The following LUC7L2 variants were observed in gnomAD, a reference collection of about 807,000 sequenced individuals.
LUC7L2 encodes LUC7 like 2, pre-mRNA splicing factor.
A neutral mutation model predicts 52.8 loss-of-function variants in LUC7L2; 25 were observed. That is an observed-to-expected ratio of 0.47 (90% CI 0.34 to 0.66). LUC7L2 has a LOEUF of 0.66. Ranked by LOEUF, LUC7L2 falls within the 30% of genes least tolerant of loss-of-function variation. The pLI is 0.01. For missense variants in LUC7L2, 328 were observed against 497.8 expected (o/e 0.66, Z 3.25); for synonymous variants, 144 against 160.9 (o/e 0.89, Z 0.80).
intron 6 of LUC7L2, among the ~76,000 whole-genome samples, chr7:139,408,176 T>C (rs1307661390): frequency 1.3e-5 from 2 of 152,202 alleles, no homozygotes; most frequent in African/African-American, 2.4e-5. Context: ...GACATCTCCA[T>C]ATTCTCAGGT....
intron 6 of LUC7L2, among the ~76,000 whole-genome samples, chr7:139,408,931 T>C (rs1350600971): frequency 6.6e-6 from 1 of 151,434 alleles, no homozygotes; most frequent in Non-Finnish European, 1.5e-5. Flanking sequence ...CCAGATCACT[T>C]GAGGCCAGGA....
intron 1 of LUC7L2, 61 bp from the exon 2 acceptor site, chr7:139,376,001 C>A: frequency 6.4e-7 from 1 of 1,559,430 alleles, no homozygotes; most frequent in Non-Finnish European, 8.8e-7. Context: ...AATAGTAGGG[C>A]TCTCAGAAAA....
At chr7:139,394,977 T>C (rs1794597725) in intron 2 of LUC7L2, among the ~76,000 whole-genome samples, 1 of 152,142 alleles carries the variant, frequency 6.6e-6, no homozygotes, top group African/African-American at 2.4e-5. Context: ...GAGGTAGGAA[T>C]TGGGACTGTT....
At chr7:139,371,628 T>G (rs1215561979) in intron 1 of LUC7L2, among the ~76,000 whole-genome samples, 1 of 152,184 alleles carries the variant, frequency 6.6e-6, no homozygotes, top group African/African-American at 2.4e-5. Flanking sequence ...CTACCTAGGC[T>G]AAGGTTGTAA....
chr7:139,343,321 C>G (rs554239247), intron 1 of LUC7L2, among the ~76,000 whole-genome samples: 1 of 152,210 alleles, frequency 6.6e-6, no homozygotes, highest in Non-Finnish European at 1.5e-5. Context: ...TGTTTTTAAG[C>G]AGCTAATGAA....
chr7:139,394,219 G>A (rs947122859), intron 2 of LUC7L2, among the ~76,000 whole-genome samples: 3 of 152,150 alleles, frequency 2.0e-5, no homozygotes, highest in African/African-American at 4.8e-5. Flanking sequence ...TTAATAAGCC[G>A]CCCTGTGCCA....
At chr7:139,353,506 T>G (rs1271480330) in intron 1 of LUC7L2, among the ~76,000 whole-genome samples, 1 of 152,242 alleles carries the variant, frequency 6.6e-6, no homozygotes, top group Non-Finnish European at 1.5e-5. Context: ...CAGAGATTTT[T>G]TTTTTCAGAT....
intron 4 of LUC7L2, among the ~76,000 whole-genome samples, chr7:139,403,218 A>G (rs996051019): frequency 1.3e-5 from 2 of 152,250 alleles, no homozygotes; most frequent in Admixed American, 1.3e-4. Flanking sequence ...ACAGTAATAC[A>G]TACATAAAGT....
At chr7:139,357,432 TAAAAA>T (rs763155412), upstream of LUC7L2, among the ~76,000 whole-genome samples, 105 of 151,926 alleles carry the variant, frequency 6.9e-4, 1 homozygote, top group African/African-American at 2.4e-3. Context: ...ACATCTAAAA[TAAAAA>T]AAAGAACTCA....
intron 6 of LUC7L2, among the ~76,000 whole-genome samples, chr7:139,408,578 T>A (rs1276600845): frequency 1.3e-5 from 2 of 152,224 alleles, no homozygotes; most frequent in African/African-American, 4.8e-5. Flanking sequence ...GCGCAGTGGC[T>A]CACGCCTGTA....
chr7:139,393,636 G>C (rs1489923768), intron 2 of LUC7L2, among the ~76,000 whole-genome samples: 5 of 152,014 alleles, frequency 3.3e-5, no homozygotes, highest in Non-Finnish European at 5.9e-5. Context: ...TAGTAGAGAT[G>C]GGGTTTCACC....
At position 139,402,247 on chromosome 7, in the gene LUC7L2, G is replaced by T. The variant is rs1327304254; in HGVS notation, c.366G>T (p.Lys122Asn). The change falls in exon 4 of 10, where the codon AAG (lysine) becomes AAT (asparagine). Residue 122 changes from lysine to asparagine, a missense_variant and splice_region_variant. By Grantham distance (94) the Lys-to-Asn change is moderately conservative. Around this residue, in one of 2 missense-constraint regions of LUC7L2, gnomAD observed 133 missense variants for 274.4 expected, o/e 0.48. Coordinates refer to ENST00000354926, the MANE Select transcript of LUC7L2 (RefSeq NM_016019.5). ...AGATTAGTGCTGAAGTAGCAGCAAA[G>T]GTAAGAATTTTAATCATTTCATTAG... ...QEEISAEVAA[K>N]AERVHELNEE... The T allele has an allele frequency of 1.3e-6, 2 of 1,588,242 alleles. No homozygotes were observed. The highest frequency in any genetic ancestry group is 1.7e-6 in the Non-Finnish European group (2 of 1,171,416).
chr7:139,341,514 G>C (rs777537487), intron 1 of LUC7L2: 1 of 1,612,790 alleles, frequency 6.2e-7, no homozygotes, highest in Non-Finnish European at 8.5e-7. Flanking sequence ...GGCTTTCCGT[G>C]CACATCGGGT....
chr7:139,362,615 C>A (rs1178204958), intron 1 of LUC7L2, among the ~76,000 whole-genome samples: 2 of 142,576 alleles, frequency 1.4e-5, no homozygotes, highest in Admixed American at 6.9e-5. Flanking sequence ...TTTAAGGCAA[C>A]TCTGTCCTTT....
chr7:139,422,679 C>T lies in LUC7L2; in HGVS notation c.*339C>T, dbSNP rs755857338. 1.9e-5 allele frequency: 8 copies of T among 419,202 alleles called. No homozygotes were observed. Among genetic ancestry groups the T allele is most frequent in the Non-Finnish European group, 3.3e-5 (8 of 243,234 alleles). 26.0% of individuals were successfully genotyped at this position (419,202 alleles called of 1,614,324 possible). ...GTTTGTAAAATGCTGTCTTCCTAGT[C>T]CAAACAGCTGCAGCTTTGGGCATTT... On this transcript the variant is annotated 3_prime_UTR_variant, in exon 10 of 10. Transcript: ENST00000354926.
At chr7:139,390,947 GT>G (rs933224518) in intron 2 of LUC7L2, among the ~76,000 whole-genome samples, 1 of 152,162 alleles carries the variant, frequency 6.6e-6, no homozygotes, top group Non-Finnish European at 1.5e-5. Flanking sequence ...TCTAAACCTT[GT>G]CAACAATTTA....
At chr7:139,357,148 A>G (rs1323731574), upstream of LUC7L2, among the ~76,000 whole-genome samples, 1 of 152,218 alleles carries the variant, frequency 6.6e-6, no homozygotes, top group Non-Finnish European at 1.5e-5. Flanking sequence ...AAGAATAAAA[A>G]TATAATAAAA....
At chr7:139,352,749 C>G (rs933257865) in intron 1 of LUC7L2, among the ~76,000 whole-genome samples, 14 of 152,064 alleles carry the variant, frequency 9.2e-5, no homozygotes, top group African/African-American at 3.4e-4. Context: ...GTGATAAGAA[C>G]AAGATGTTCA....
At chr7:139,412,418 T>G in intron 7 of LUC7L2, 133 bp from the exon 8 acceptor site, 1 of 1,091,314 alleles carries the variant, frequency 9.2e-7, no homozygotes, top group Non-Finnish European at 1.2e-6. Flanking sequence ...TGGAAAATTT[T>G]GTGTGCGTAG....
Sources: allele counts gnomAD v4.1 joint callset (sites outside exome capture counted in the v4.1 genomes callset), GRCh38; gene constraint gnomAD v4.1.1; regional missense constraint gnomAD v4.1.1; transcripts MANE v1.5; gene names NCBI Gene and HGNC (gene_info 2026-07-23, HGNC 2026-07-21).